The following IL21R variants were observed in gnomAD, a reference collection of about 807,000 sequenced individuals.
IL21R encodes the protein interleukin 21 receptor.
A neutral mutation model predicts 41.3 loss-of-function variants in IL21R; 14 were observed. The observed-to-expected ratio is 0.34, with a 90% CI of 0.22 to 0.53. IL21R has a LOEUF of 0.53. IL21R is among the 20% of genes least tolerant of loss of function. The probability of loss-of-function intolerance (pLI) is 0.94; values close to 1 mark genes in which losing one functional copy is unlikely to be tolerated. For synonymous variants in IL21R, 286 were observed against 287.6 expected (o/e 0.99, Z 0.05); for missense variants, 588 against 681.6 (o/e 0.86, Z 1.53).
chr16:27,423,843 C>A (rs1186771202), intron 1 of IL21R, among the ~76,000 whole-genome samples: 1 of 152,166 alleles, frequency 6.6e-6, no homozygotes, highest in African/African-American at 2.4e-5. Context: ...TACCAGTTTA[C>A]ATAAGAGTGA....
intron 4 of IL21R, among the ~76,000 whole-genome samples, chr16:27,438,208 A>G (rs1392838658): frequency 6.6e-6 from 1 of 151,948 alleles, no homozygotes; most frequent in Non-Finnish European, 1.5e-5. Context: ...CAGCTTCCCT[A>G]TTTGTAGAGC....
chr16:27,421,404 C>G (rs2086999289), intron 1 of IL21R, among the ~76,000 whole-genome samples: 1 of 141,162 alleles, frequency 7.1e-6, no homozygotes, highest in African/African-American at 2.6e-5. Flanking sequence ...ATCTGTAGAT[C>G]AATTTGAGGC....
chr16:27,428,720 C>G (rs1458835158), intron 1 of IL21R, among the ~76,000 whole-genome samples: 1 of 152,194 alleles, frequency 6.6e-6, no homozygotes, highest in East Asian at 1.9e-4. Flanking sequence ...ACTCTGCTCC[C>G]CAAAGAGGTT....
At chr16:27,433,675 C>A (rs569797949) in intron 2 of IL21R, among the ~76,000 whole-genome samples, 21 of 152,246 alleles carry the variant, frequency 1.4e-4, no homozygotes, top group African/African-American at 5.1e-4. Flanking sequence ...AATCTTCCAA[C>A]AAAATTGCCT....
At chr16:27,419,835 T>C (rs2086971208) in intron 1 of IL21R, among the ~76,000 whole-genome samples, 1 of 150,272 alleles carries the variant, frequency 6.7e-6, no homozygotes. Flanking sequence ...ATTATTATTA[T>C]TATTATTATT....
chr16:27,402,729 G>A (rs1430053886), intron 1 of IL21R, 111 bp downstream of exon 1: 2 of 197,490 alleles, frequency 1.0e-5, no homozygotes, highest in African/African-American at 4.6e-5. Context: ...GGAGGACTGT[G>A]CCCAAGTCAC....
chr16:27,407,307 G>C (rs904215345), intron 1 of IL21R, among the ~76,000 whole-genome samples: 1 of 152,130 alleles, frequency 6.6e-6, no homozygotes, highest in African/African-American at 2.4e-5. Context: ...TTTACAAAAC[G>C]ATTCCTCATC....
At chr16:27,434,179 G>C (rs1596585800) in intron 2 of IL21R, among the ~76,000 whole-genome samples, 168 bp from the exon 3 acceptor site, 1 of 151,830 alleles carries the variant, frequency 6.6e-6, no homozygotes, top group African/African-American at 2.4e-5. Flanking sequence ...AGGTGGTGAG[G>C]CCCCCTGGGT....
At chr16:27,430,838 T>C (rs2087158279) in intron 2 of IL21R, among the ~76,000 whole-genome samples, 1 of 151,906 alleles carries the variant, frequency 6.6e-6, no homozygotes, top group South Asian at 2.1e-4. Flanking sequence ...ACAACAACAA[T>C]AAACAAACAA....
In IL21R at chr16:27,437,568, C is replaced by A; in HGVS notation, c.233C>A (p.Thr78Asn). Reference protein sequence around the residue: ...HRSAHNATHATYTCHMDVFHF... With the variant: ...HRSAHNATHANYTCHMDVFHF... ...TCGGCCCACAATGCCACGCATGCCA[C>A]CTACACCTGCCACATGGATGTATTC... The change falls in exon 4 of 9, where the codon ACC becomes AAC. Residue 78 changes from threonine to asparagine, a missense_variant. Transcript: ENST00000337929. The A allele has an allele frequency of 6.2e-7, 1 of 1,614,208 alleles. No individual in the cohort carries two copies. Among genetic ancestry groups the A allele is most frequent in the African/African-American group, 1.3e-5 (1 of 75,064 alleles).
At chr16:27,440,280 G>GAA (rs56024030) in intron 4 of IL21R, among the ~76,000 whole-genome samples, 1 of 128,438 alleles carries the variant, frequency 7.8e-6, no homozygotes, top group Non-Finnish European at 1.6e-5. Flanking sequence ...GAGAGAGAGA[G>GAA]CGAGCAAGCG....
chr16:27,418,529 C>A lies in IL21R; in HGVS notation c.-16-11527C>A, dbSNP rs138336513. 4.3e-3 allele frequency among the ~76,000 whole-genome samples: 654 copies of A among 152,052 alleles called. 4 individuals carry two copies. Among genetic ancestry groups the A allele is most frequent in the African/African-American group, 0.015 (616 of 41,492 alleles). The stretch of plus-strand genomic sequence containing the variant: ...GACTACAGGTGCGCGCCACCACGCT[C>A]GGCTAATTTTTTTGGTATTTTTAGT... On this transcript the variant is annotated intron_variant, in intron 1 of 8. Transcript: ENST00000337929.
intron 4 of IL21R, among the ~76,000 whole-genome samples, chr16:27,438,008 G>A (rs188876133): frequency 6.6e-6 from 1 of 152,172 alleles, no homozygotes; most frequent in African/African-American, 2.4e-5. Flanking sequence ...GATCTGACCT[G>A]GCCTATGTCC....
chr16:27,441,736 C>T (rs1290684442), intron 4 of IL21R, among the ~76,000 whole-genome samples: 2 of 152,168 alleles, frequency 1.3e-5, no homozygotes, highest in African/African-American at 2.4e-5. Flanking sequence ...AGGCCAGGTG[C>T]AGTGGCTTGT....
At position 27,411,454 on chromosome 16, in the gene IL21R, C is replaced by CT. The variant is rs59761925; in HGVS notation, c.-17+8862dup. Reference sequence around the variant, plus strand: ...GAAATGTCTATTCATGTCCTTTGTCCTTTTTTTTTTTTTTTTTTTTTTTTT... The same window carrying CT: ...GAAATGTCTATTCATGTCCTTTGTCCTTTTTTTTTTTTTTTTTTTTTTTTTT... On this transcript the variant is annotated intron_variant, in intron 1 of 8. Coordinates refer to ENST00000337929, the MANE Select transcript of IL21R (RefSeq NM_181078.3). Among the ~76,000 whole-genome samples, 237 of 58,098 alleles carry CT rather than the reference C, an allele frequency of 4.1e-3. 18 individuals carry two copies. Among genetic ancestry groups the CT allele is most frequent in the Non-Finnish European group, 5.1e-3 (173 of 33,860 alleles). 38.1% of individuals were successfully genotyped at this position (58,098 alleles called of 152,430 possible).
chr16:27,443,250 C>G (rs2087421975), intron 5 of IL21R, 134 bp downstream of exon 5: 3 of 705,098 alleles, frequency 4.3e-6, no homozygotes, highest in Non-Finnish European at 4.4e-6. Context: ...CACGAGCACT[C>G]CCTTACAGCG....
intron 2 of IL21R, among the ~76,000 whole-genome samples, chr16:27,431,568 G>C (rs1227972800): frequency 1.3e-5 from 2 of 152,134 alleles, no homozygotes; most frequent in Non-Finnish European, 2.9e-5. Context: ...ATAAATAATA[G>C]ACATTTACTG....
intron 1 of IL21R, among the ~76,000 whole-genome samples, chr16:27,406,369 G>T (rs1353082068): frequency 1.3e-5 from 2 of 152,064 alleles, no homozygotes; most frequent in African/African-American, 4.8e-5. Flanking sequence ...GGGCTTGCAG[G>T]GAGATAGAGA....
At chr16:27,414,165 A>AGT (rs3917005) in intron 1 of IL21R, among the ~76,000 whole-genome samples, 4,610 of 144,260 alleles carry the variant, frequency 0.032, 182 homozygotes, top group African/African-American at 0.097. Flanking sequence ...AGCTATGTAT[A>AGT]GTGTGTGTGT....
Sources: gnomAD v4.1 joint callset for allele counts (sites outside exome capture counted in the v4.1 genomes callset) on GRCh38, gnomAD v4.1.1 for gene constraint, MANE v1.5 for transcripts, NCBI Gene and HGNC (gene_info 2026-07-23, HGNC 2026-07-21) for gene names.